Variants in TMOD1 observed in about 807,000 individuals in gnomAD.
The protein encoded by TMOD1 is tropomodulin 1, also known as tropomodulin-1.
In TMOD1, 17 loss-of-function variants were observed where a neutral mutation model predicts 40.6. The ratio of observed to expected loss-of-function variants is 0.42; its 90% CI spans 0.29 to 0.63. The LOEUF (loss-of-function observed/expected upper bound fraction) is 0.63. TMOD1 is among the 20% of genes least tolerant of loss of function. The pLI is 0.22. For synonymous variants in TMOD1, 181 were observed against 175.0 expected (o/e 1.03, Z -0.27); for missense variants, 391 against 447.6 (o/e 0.87, Z 1.14).
At chr9:97,521,512 C>G (rs1829915522) in intron 1 of TMOD1, among the ~76,000 whole-genome samples, 1 of 152,190 alleles carries the variant, frequency 6.6e-6, no homozygotes, top group African/African-American at 2.4e-5. Context: ...TCTCCCCATC[C>G]TGGCTTCACT....
At chr9:97,589,368 C>T (rs1825951774) in intron 8 of TMOD1, among the ~76,000 whole-genome samples, 1 of 148,744 alleles carries the variant, frequency 6.7e-6, no homozygotes, top group South Asian at 2.1e-4. Flanking sequence ...GCAACCTCTG[C>T]CTCCCGGGTT....
intron 8 of TMOD1, among the ~76,000 whole-genome samples, chr9:97,584,052 T>A (rs1402208518): frequency 2.0e-5 from 3 of 151,094 alleles, no homozygotes; most frequent in Non-Finnish European, 4.4e-5. Flanking sequence ...AGCTTTTGAA[T>A]GTGTTTGCTC....
At chr9:97,537,443 C>T (rs1003278455) in intron 2 of TMOD1, among the ~76,000 whole-genome samples, 9 of 152,228 alleles carry the variant, frequency 5.9e-5, no homozygotes, top group Admixed American at 5.9e-4. Flanking sequence ...GCAATGATAA[C>T]TGTGCAGATA....
At chr9:97,581,138 G>A (rs370267325) in intron 8 of TMOD1, among the ~76,000 whole-genome samples, 66 of 73,956 alleles carry the variant, frequency 8.9e-4, no homozygotes, top group African/African-American at 3.4e-3. Flanking sequence ...ATGCTATCCC[G>A]CCCCCCTCCC....
chr9:97,580,916 A>T (rs1170978006), intron 8 of TMOD1, among the ~76,000 whole-genome samples: 3 of 149,526 alleles, frequency 2.0e-5, no homozygotes, highest in Non-Finnish European at 4.4e-5. Context: ...AATGAAAATC[A>T]TATATTATGT....
At chr9:97,595,146 G>A (rs1826081818) in intron 9 of TMOD1, among the ~76,000 whole-genome samples, 1 of 152,210 alleles carries the variant, frequency 6.6e-6, no homozygotes, top group South Asian at 2.1e-4. Context: ...GTGATACAAA[G>A]TGCTGTTATG....
chr9:97,563,919 T>G, intron 5 of TMOD1, 119 bp from the exon 6 acceptor site: 35 of 1,235,036 alleles, frequency 2.8e-5, no homozygotes, highest in Non-Finnish European at 3.3e-5. Context: ...CCAGCCCCTG[T>G]GATGTGCAGC....
intron 8 of TMOD1, among the ~76,000 whole-genome samples, chr9:97,577,159 G>T (rs1292202321): frequency 6.6e-6 from 1 of 152,212 alleles, no homozygotes; most frequent in Non-Finnish European, 1.5e-5. Flanking sequence ...ACTGTTGCCA[G>T]TCCGGGCATG....
At chr9:97,570,646 G>A (rs1344492674) in intron 8 of TMOD1, among the ~76,000 whole-genome samples, 1 of 152,098 alleles carries the variant, frequency 6.6e-6, no homozygotes, top group African/African-American at 2.4e-5. Context: ...TAGCACCTTG[G>A]CTTCCCTTGA....
At position 97,528,567 on chromosome 9, in the gene TMOD1, G is replaced by A. The variant is rs558918673; in HGVS notation, c.120+4259G>A. On this transcript the variant is annotated intron_variant, in intron 2 of 9. Transcript: ENST00000259365. ...ATTTGCAAGACAGTATGTGAGCTTCGAAAAGGCCTGGAGGGCCTCCCTTCT... is the reference window on the plus strand; with the variant it reads ...ATTTGCAAGACAGTATGTGAGCTTCAAAAAGGCCTGGAGGGCCTCCCTTCT... Among the ~76,000 whole-genome samples, 8 of 152,314 alleles carry A rather than the reference G, an allele frequency of 5.3e-5. No homozygotes were observed. In the East Asian group the frequency reaches 7.7e-4, roughly 15 times the overall value.
At chr9:97,535,814 G>C (rs552794787) in intron 2 of TMOD1, among the ~76,000 whole-genome samples, 41 of 152,364 alleles carry the variant, frequency 2.7e-4, no homozygotes, top group African/African-American at 9.6e-4. Context: ...GCCCTGTAAA[G>C]TTGACTGGGG....
At chr9:97,567,568 G>A (rs1023045137) in intron 7 of TMOD1, among the ~76,000 whole-genome samples, 1 of 152,240 alleles carries the variant, frequency 6.6e-6, no homozygotes, top group Non-Finnish European at 1.5e-5. Context: ...CAGCCTAGCA[G>A]GTTGCCTACT....
chr9:97,600,178 G>A lies in TMOD1; in HGVS notation c.*480G>A. The A allele has an allele frequency of 2.0e-6, 2 of 995,880 alleles. No individual in the cohort carries two copies. Among genetic ancestry groups the A allele is most frequent in the South Asian group, 8.9e-5 (2 of 22,502 alleles). 61.7% of individuals were successfully genotyped at this position (995,880 alleles called of 1,614,324 possible). On this transcript the variant is annotated 3_prime_UTR_variant, in exon 10 of 10. Transcript: ENST00000259365. The stretch of plus-strand genomic sequence containing the variant: ...CTTTATTAACCCTCCTTGGAATTTT[G>A]AAAACCTCGATTAAAGTTGCCAAAT...
intron 2 of TMOD1, among the ~76,000 whole-genome samples, chr9:97,537,476 A>G (rs951126848): frequency 1.3e-5 from 2 of 152,200 alleles, no homozygotes; most frequent in Non-Finnish European, 2.9e-5. Flanking sequence ...CTTTACTGGC[A>G]CCTGTTTGCA....
At chr9:97,530,550 T>A (rs901727610) in intron 2 of TMOD1, among the ~76,000 whole-genome samples, 3 of 151,446 alleles carry the variant, frequency 2.0e-5, no homozygotes, top group Non-Finnish European at 2.9e-5. Context: ...TGCAGTGGCA[T>A]GATCTCGGCT....
intron 2 of TMOD1, among the ~76,000 whole-genome samples, chr9:97,530,170 AT>A (rs1830076917): frequency 6.6e-6 from 1 of 152,182 alleles, no homozygotes; most frequent in South Asian, 2.1e-4. Flanking sequence ...TTGTTATGTT[AT>A]TTTCACAATA....
At chr9:97,595,294 CTGTG>C (rs2131295596) in intron 9 of TMOD1, among the ~76,000 whole-genome samples, 1 of 152,292 alleles carries the variant, frequency 6.6e-6, no homozygotes, top group African/African-American at 2.4e-5. Context: ...ATTCACCATG[CTGTG>C]TAACAGAGCT....
intron 8 of TMOD1, among the ~76,000 whole-genome samples, chr9:97,570,925 C>T (rs1587949977): frequency 6.6e-6 from 1 of 152,240 alleles, no homozygotes; most frequent in African/African-American, 2.4e-5. Context: ...AGCCGTGTCA[C>T]GTGCATTTCC....
intron 8 of TMOD1, among the ~76,000 whole-genome samples, chr9:97,585,654 G>T (rs1340002528): frequency 1.6e-5 from 2 of 128,102 alleles, no homozygotes; most frequent in Non-Finnish European, 3.3e-5. Flanking sequence ...ATCAGACGTA[G>T]ATTTGGTCTT....
Sources: allele counts gnomAD v4.1 joint callset (sites outside exome capture counted in the v4.1 genomes callset), GRCh38; gene constraint gnomAD v4.1.1; transcripts MANE v1.5; gene names NCBI Gene and HGNC (gene_info 2026-07-23, HGNC 2026-07-21).